GRID2: variants seen among roughly 807,000 people sequenced by gnomAD.
GRID2 encodes glutamate receptor ionotropic, delta-2.
Under a neutral mutation model 114.8 loss-of-function variants are expected in GRID2, and 33 were observed. That is an observed-to-expected ratio of 0.29 (90% CI 0.22 to 0.38). The LOEUF is 0.38. Ranked by LOEUF, GRID2 falls within the 10% of genes least tolerant of loss-of-function variation. The probability of loss-of-function intolerance (pLI) is 1.00; values close to 1 mark genes in which losing one functional copy is unlikely to be tolerated. For synonymous variants in GRID2, 505 were observed against 449.9 expected, an observed-to-expected ratio of 1.12 and a Z score of -1.55; for missense variants, 1,184 against 1,257.7, an observed-to-expected ratio of 0.94 and a Z score of 0.89.
chr4:93,195,510 C>G (rs1333489230), intron 4 of GRID2, among the ~76,000 whole-genome samples: 1 of 152,120 alleles, frequency 6.6e-6, no homozygotes. Flanking sequence ...TGCCATATTC[C>G]AGGTTATATT....
chr4:93,400,418 C>T (rs1366974058), intron 9 of GRID2, among the ~76,000 whole-genome samples: 1 of 152,016 alleles, frequency 6.6e-6, no homozygotes, highest in Non-Finnish European at 1.5e-5. Context: ...TTACTTCTTA[C>T]CAAGTGGTCC....
chr4:93,338,712 C>T (rs962365917), intron 8 of GRID2, among the ~76,000 whole-genome samples: 1 of 152,100 alleles, frequency 6.6e-6, no homozygotes, highest in Non-Finnish European at 1.5e-5. Context: ...AACCAGTATG[C>T]AAACCACTAC....
chr4:93,684,459 C>A (rs183840640), intron 14 of GRID2, among the ~76,000 whole-genome samples: 1 of 152,072 alleles, frequency 6.6e-6, no homozygotes, highest in Non-Finnish European at 1.5e-5. Context: ...ACTACAAATG[C>A]TTGAGTCTCA....
intron 4 of GRID2, among the ~76,000 whole-genome samples, chr4:93,136,180 AG>A (rs1735226200): frequency 6.6e-6 from 1 of 151,450 alleles, no homozygotes; most frequent in Admixed American, 6.6e-5. Context: ...CTGCCTCCGC[AG>A]GCTGTTCTTG....
At chr4:92,899,617 T>TTACAAACAAGAAGAACAC (rs1747423415) in intron 2 of GRID2, among the ~76,000 whole-genome samples, 1 of 152,150 alleles carries the variant, frequency 6.6e-6, no homozygotes, top group South Asian at 2.1e-4. Flanking sequence ...TTTACATTTT[T>TTACAAACAAGAAGAACAC]TACAAACAAG....
chr4:93,466,990 A>G (rs1268153256), intron 11 of GRID2, among the ~76,000 whole-genome samples: 1 of 152,208 alleles, frequency 6.6e-6, no homozygotes, highest in African/African-American at 2.4e-5. Context: ...ATGAAATACA[A>G]TTTAACATGT....
intron 1 of GRID2, among the ~76,000 whole-genome samples, chr4:92,376,877 A>G (rs1032373967): frequency 6.6e-6 from 1 of 152,072 alleles, no homozygotes; most frequent in Non-Finnish European, 1.5e-5. Flanking sequence ...ACAGGGCACC[A>G]AGTCCCTAGG....
At chr4:92,819,904 GAAT>G (rs1741162551) in intron 2 of GRID2, among the ~76,000 whole-genome samples, 1 of 152,066 alleles carries the variant, frequency 6.6e-6, no homozygotes, top group Non-Finnish European at 1.5e-5. Context: ...GATAATATAT[GAAT>G]AATAGTGAGA....
At chr4:93,004,966 A>G (rs909371214) in intron 2 of GRID2, among the ~76,000 whole-genome samples, 1 of 151,854 alleles carries the variant, frequency 6.6e-6, no homozygotes, top group Admixed American at 6.6e-5. Flanking sequence ...CTCAAGGCCT[A>G]TCTCTTGCAT....
chr4:92,752,091 T>G (rs530950050), intron 2 of GRID2, among the ~76,000 whole-genome samples: 15 of 152,240 alleles, frequency 9.9e-5, no homozygotes, highest in African/African-American at 3.4e-4. Flanking sequence ...CTGTAAACAA[T>G]ATTCGTTCTC....
At chr4:92,887,716 G>T (rs985928408) in intron 2 of GRID2, among the ~76,000 whole-genome samples, 3 of 152,118 alleles carry the variant, frequency 2.0e-5, no homozygotes, top group Non-Finnish European at 4.4e-5. Flanking sequence ...GTGTATTTTG[G>T]ATGCTTTCAC....
At chr4:93,352,712 A>T (rs1760924091) in intron 8 of GRID2, among the ~76,000 whole-genome samples, 1 of 152,078 alleles carries the variant, frequency 6.6e-6, no homozygotes, top group Admixed American at 6.6e-5. Flanking sequence ...CATGGGCAAC[A>T]GAATGTCTCC....
At chr4:92,520,749 C>T (rs916538756) in intron 1 of GRID2, among the ~76,000 whole-genome samples, 4 of 151,870 alleles carry the variant, frequency 2.6e-5, no homozygotes, top group Non-Finnish European at 4.4e-5. Flanking sequence ...AATTCAGATG[C>T]GTGAGGAGCT....
At chr4:92,498,384 C>T (rs1723498898) in intron 1 of GRID2, among the ~76,000 whole-genome samples, 1 of 151,478 alleles carries the variant, frequency 6.6e-6, no homozygotes, top group African/African-American at 2.4e-5. Context: ...ATATATGTGC[C>T]AAGTATGTTC....
intron 1 of GRID2, among the ~76,000 whole-genome samples, chr4:92,317,339 A>G (rs1726045732): frequency 6.6e-6 from 1 of 152,212 alleles, no homozygotes; most frequent in Non-Finnish European, 1.5e-5. Flanking sequence ...TACAAGTGGC[A>G]TAACTATTAT....
At chr4:92,879,876 G>T (rs1745883797) in intron 2 of GRID2, among the ~76,000 whole-genome samples, 1 of 152,206 alleles carries the variant, frequency 6.6e-6, no homozygotes, top group Admixed American at 6.5e-5. Flanking sequence ...TTGGCCAAGA[G>T]CTTTTGAATC....
intron 1 of GRID2, among the ~76,000 whole-genome samples, chr4:93,780,814 C>T (rs962938028): frequency 1.3e-5 from 2 of 152,070 alleles, no homozygotes; most frequent in Non-Finnish European, 2.9e-5. Flanking sequence ...GAAACAGGCT[C>T]TTAAAGGGGC....
At chr4:92,902,324 T>A (rs1425256184) in intron 2 of GRID2, among the ~76,000 whole-genome samples, 2 of 152,074 alleles carry the variant, frequency 1.3e-5, no homozygotes, top group East Asian at 3.9e-4. Context: ...TCTATTTGAA[T>A]CTTCTCTCAT....
chr4:93,426,838 GA>G, intron 10 of GRID2, among the ~76,000 whole-genome samples: 1 of 152,018 alleles, frequency 6.6e-6, no homozygotes, highest in South Asian at 2.1e-4. Context: ...TTTTTAGACA[GA>G]AAAAATATAA....
Sources: allele counts gnomAD v4.1 joint callset (sites outside exome capture counted in the v4.1 genomes callset), GRCh38; gene constraint gnomAD v4.1.1; transcripts MANE v1.5; gene names NCBI Gene and HGNC (gene_info 2026-07-23, HGNC 2026-07-21).